PILRA: variants seen among roughly 807,000 people sequenced by gnomAD.
PILRA encodes paired immunoglobin like type 2 receptor alpha.
In PILRA, 37 loss-of-function variants were observed where a neutral mutation model predicts 33.1. The observed-to-expected ratio is 1.12, with a 90% CI of 0.86 to 1.47. The LOEUF (loss-of-function observed/expected upper bound fraction) is 1.47. Among genes scored for constraint, PILRA ranks in the 40% most tolerant of loss-of-function variants. The pLI is 0.00. For synonymous variants in PILRA, 146 were observed against 149.9 expected (o/e 0.97, Z 0.19); for missense variants, 312 against 376.2 (o/e 0.83, Z 1.41).
intron 4 of PILRA, among the ~76,000 whole-genome samples, chr7:100,398,329 CCT>C (rs1439956182): frequency 1.3e-5 from 2 of 152,222 alleles, no homozygotes; most frequent in Non-Finnish European, 2.9e-5. Flanking sequence ...CTCCAGGCTT[CCT>C]CTGCCTCCAG....
chr7:100,399,927 AGACTGAAT>A lies in PILRA; in HGVS notation c.*22_*29del. The A allele has an allele frequency of 6.3e-7, 1 of 1,579,118 alleles. No individual in the cohort carries two copies. Among genetic ancestry groups the A allele is most frequent in the Non-Finnish European group, 8.6e-7 (1 of 1,162,610 alleles). ...GCCTAACCAATGGACAGCCCTCTCAAGACTGAATGGTGAGGCCAGGTACAGTGGCGCAC... is the reference window on the plus strand; with the variant it reads ...GCCTAACCAATGGACAGCCCTCTCAAGGTGAGGCCAGGTACAGTGGCGCAC... On this transcript the variant is annotated 3_prime_UTR_variant, in exon 7 of 7. Coordinates refer to ENST00000198536, the MANE Select transcript of PILRA (RefSeq NM_013439.3).
intron 2 of PILRA, among the ~76,000 whole-genome samples, chr7:100,377,068 A>G (rs1283613065): frequency 3.3e-5 from 5 of 151,556 alleles, no homozygotes; most frequent in Non-Finnish European, 4.4e-5. Flanking sequence ...TGGCAAAAAA[A>G]TTTTTTAATC....
intron 2 of PILRA, among the ~76,000 whole-genome samples, chr7:100,385,898 G>A (rs1791241855): frequency 6.6e-6 from 1 of 151,794 alleles, no homozygotes; most frequent in Admixed American, 6.6e-5. Flanking sequence ...CACAGTGCTG[G>A]GATTACAGGC....
chr7:100,382,007 A>ACCCCACCCCCCC (rs1791113638), intron 2 of PILRA, among the ~76,000 whole-genome samples: 1 of 101,282 alleles, frequency 9.9e-6, no homozygotes, highest in Non-Finnish European at 2.1e-5. Flanking sequence ...CCCCACCCCC[A>ACCCCACCCCCCC]CCCCCACCCC....
intron 2 of PILRA, among the ~76,000 whole-genome samples, chr7:100,382,001 A>ACC (rs1181591005): frequency 8.1e-4 from 79 of 97,694 alleles, no homozygotes; most frequent in South Asian, 1.2e-3. Context: ...CTCAGTCCCC[A>ACC]CCCCCACCCC....
At chr7:100,374,488 T>C (rs1790900741) in intron 2 of PILRA, 55 bp downstream of exon 2, 1 of 1,605,868 alleles carries the variant, frequency 6.2e-7, no homozygotes, top group Non-Finnish European at 8.5e-7. Context: ...GCTTTTATGA[T>C]CACTGGTGAC....
intron 3 of PILRA, among the ~76,000 whole-genome samples, chr7:100,391,182 A>G (rs1791383186): frequency 7.1e-6 from 1 of 141,754 alleles, no homozygotes; most frequent in Non-Finnish European, 1.5e-5. Context: ...AATAATAATA[A>G]TAATTATTAT....
At chr7:100,381,960 G>C (rs1432406765) in intron 2 of PILRA, among the ~76,000 whole-genome samples, 4 of 152,142 alleles carry the variant, frequency 2.6e-5, no homozygotes, top group African/African-American at 9.7e-5. Context: ...CTCCCGGCAG[G>C]GCAGGGCTCG....
chr7:100,389,208 G>GT (rs930212341), intron 2 of PILRA, among the ~76,000 whole-genome samples: 5 of 152,116 alleles, frequency 3.3e-5, no homozygotes, highest in African/African-American at 1.2e-4. Flanking sequence ...TTTTTGGGAA[G>GT]TAACTCCTAT....
At chr7:100,389,352 A>T (rs1322463626) in intron 2 of PILRA, among the ~76,000 whole-genome samples, 1 of 152,198 alleles carries the variant, frequency 6.6e-6, no homozygotes, top group Non-Finnish European at 1.5e-5. Context: ...CAGCACTGTG[A>T]ATGTGCTTGA....
intron 2 of PILRA, among the ~76,000 whole-genome samples, chr7:100,383,970 T>C (rs2130193598): frequency 6.6e-6 from 1 of 152,128 alleles, no homozygotes; most frequent in East Asian, 1.9e-4. Context: ...CCTCTCGCTA[T>C]GGTATGGAGG....
intron 6 of PILRA, 31 bp from the exon 7 acceptor site, chr7:100,399,754 T>G (rs1401964309): frequency 6.2e-7 from 1 of 1,611,012 alleles, no homozygotes. Flanking sequence ...GTCTCCACTG[T>G]CTAACCCTTT....
chr7:100,394,192 AG>A (rs1370222473), intron 3 of PILRA, among the ~76,000 whole-genome samples: 1 of 152,196 alleles, frequency 6.6e-6, no homozygotes, highest in African/African-American at 2.4e-5. Context: ...TGAAGAGCAG[AG>A]GGGTCAGCAG....
At chr7:100,381,970 G>A (rs1033110486) in intron 2 of PILRA, among the ~76,000 whole-genome samples, 20 of 152,056 alleles carry the variant, frequency 1.3e-4, no homozygotes, top group Admixed American at 1.0e-3. Flanking sequence ...GGCAGGGCTC[G>A]GGACCTGCAG....
At chr7:100,378,187 A>T (rs1300644558) in intron 2 of PILRA, among the ~76,000 whole-genome samples, 1 of 143,278 alleles carries the variant, frequency 7.0e-6, no homozygotes, top group Non-Finnish European at 1.5e-5. Flanking sequence ...CCCATCTCTA[A>T]AAAAAAAAAA....
intron 2 of PILRA, 148 bp downstream of exon 2, chr7:100,374,581 GCCACCTCTCC>G: frequency 1.2e-6 from 1 of 854,018 alleles, no homozygotes; most frequent in Non-Finnish European, 1.9e-6. Flanking sequence ...TCAGGCCTTT[GCCACCTCTCC>G]CCTTTTCTCT....
At chr7:100,391,499 C>A (rs560967887) in intron 3 of PILRA, among the ~76,000 whole-genome samples, 67 of 152,134 alleles carry the variant, frequency 4.4e-4, no homozygotes, top group Middle Eastern at 3.4e-3. Context: ...CCAGCCTGGG[C>A]AACTTTGCAA....
At chr7:100,395,035 T>C (rs1355933863) in intron 3 of PILRA, among the ~76,000 whole-genome samples, 1 of 152,164 alleles carries the variant, frequency 6.6e-6, no homozygotes, top group African/African-American at 2.4e-5. Context: ...AGGCAACCTA[T>C]AGAATGGGGA....
At chr7:100,376,323 C>G (rs1790946088) in intron 2 of PILRA, 1 of 152,054 alleles carries the variant, frequency 6.6e-6, no homozygotes, top group South Asian at 2.1e-4. Context: ...TTCTCTTCCT[C>G]TTTCCTTAAT....
Sources: allele counts gnomAD v4.1 joint callset (sites outside exome capture counted in the v4.1 genomes callset), GRCh38; gene constraint gnomAD v4.1.1; transcripts MANE v1.5; gene names NCBI Gene and HGNC (gene_info 2026-07-23, HGNC 2026-07-21).